The following IGSF21 variants were observed in gnomAD, a reference collection of about 807,000 sequenced individuals.
IGSF21 encodes the protein immunoglobin superfamily member 21.
In IGSF21, 28 loss-of-function variants were observed where a neutral mutation model predicts 46.8. That is an observed-to-expected ratio of 0.60 (90% CI 0.44 to 0.82). The LOEUF (loss-of-function observed/expected upper bound fraction) is 0.82. IGSF21 is among the 40% of genes least tolerant of loss of function. The pLI is 0.00. For missense variants in IGSF21, 624 were observed against 665.5 expected, an observed-to-expected ratio of 0.94 and a Z score of 0.69; for synonymous variants, 284 against 273.6, an observed-to-expected ratio of 1.04 and a Z score of -0.38.
intron 1 of IGSF21, among the ~76,000 whole-genome samples, chr1:18,124,136 A>G (rs1477299995): frequency 6.6e-6 from 1 of 152,230 alleles, no homozygotes; most frequent in Non-Finnish European, 1.5e-5. Context: ...GTTATAAAGC[A>G]GCCCCTCTCG....
intron 2 of IGSF21, among the ~76,000 whole-genome samples, chr1:18,279,322 T>C (rs192002): frequency 6.6e-6 from 1 of 152,218 alleles, no homozygotes; most frequent in African/African-American, 2.4e-5. Flanking sequence ...ATGTGGATTC[T>C]AGGAGAAGAG....
At chr1:18,309,963 G>A (rs1055780476) in intron 3 of IGSF21, among the ~76,000 whole-genome samples, 1 of 152,176 alleles carries the variant, frequency 6.6e-6, no homozygotes, top group Non-Finnish European at 1.5e-5. Context: ...GGTGCATGGA[G>A]GCCCTGCCAG....
intron 2 of IGSF21, among the ~76,000 whole-genome samples, chr1:18,280,360 A>G (rs1413450741): frequency 6.6e-6 from 1 of 152,094 alleles, no homozygotes; most frequent in Non-Finnish European, 1.5e-5. Context: ...CACTAGTTCT[A>G]CTGTTCACAC....
chr1:18,284,574 AGTTT>A (rs1432863621), intron 2 of IGSF21, among the ~76,000 whole-genome samples: 2 of 152,176 alleles, frequency 1.3e-5, no homozygotes, highest in Admixed American at 6.5e-5. Context: ...CTGGGGTGTG[AGTTT>A]GTTTAATATC....
intron 1 of IGSF21, among the ~76,000 whole-genome samples, chr1:18,140,052 T>C (rs2086401561): frequency 1.3e-5 from 2 of 152,040 alleles, no homozygotes; most frequent in Admixed American, 1.3e-4. Context: ...GCTCAAACAA[T>C]CCTTGCCTCA....
At chr1:18,262,926 A>C (rs149460365) in intron 2 of IGSF21, among the ~76,000 whole-genome samples, 2 of 152,142 alleles carry the variant, frequency 1.3e-5, no homozygotes, top group Non-Finnish European at 2.9e-5. Context: ...GTGGGAATGG[A>C]ATGCATTGGC....
intron 3 of IGSF21, among the ~76,000 whole-genome samples, chr1:18,327,350 C>T (rs924636256): frequency 2.0e-5 from 3 of 152,128 alleles, no homozygotes; most frequent in African/African-American, 7.2e-5. Flanking sequence ...GACATTTGAG[C>T]AGTGTCTTAT....
At chr1:18,180,260 A>G (rs893503375) in intron 1 of IGSF21, among the ~76,000 whole-genome samples, 1 of 152,218 alleles carries the variant, frequency 6.6e-6, no homozygotes, top group Non-Finnish European at 1.5e-5. Context: ...TTCTTTGTGC[A>G]CTTAGCATCT....
chr1:18,372,896 G>T (rs748693643), intron 6 of IGSF21, among the ~76,000 whole-genome samples: 20 of 151,812 alleles, frequency 1.3e-4, no homozygotes, highest in Admixed American at 2.6e-4. Context: ...ATGGATGAGT[G>T]GGTGAATGGG....
intron 1 of IGSF21, among the ~76,000 whole-genome samples, chr1:18,206,914 A>G (rs552709778): frequency 1.3e-5 from 2 of 152,368 alleles, no homozygotes; most frequent in African/African-American, 4.8e-5. Flanking sequence ...AGCAGTTTAC[A>G]ACACCACCTG....
chr1:18,236,397 C>A (rs549922986), intron 2 of IGSF21, among the ~76,000 whole-genome samples: 1 of 152,184 alleles, frequency 6.6e-6, no homozygotes, highest in Non-Finnish European at 1.5e-5. Context: ...ATTAAACTGT[C>A]CTTTTATAAA....
chr1:18,204,478 G>GGCGT, intron 1 of IGSF21, among the ~76,000 whole-genome samples: 1 of 152,256 alleles, frequency 6.6e-6, no homozygotes, highest in Admixed American at 6.5e-5. Flanking sequence ...CTTTGAGTGT[G>GGCGT]GCGTGCGCTG....
intron 1 of IGSF21, among the ~76,000 whole-genome samples, chr1:18,153,746 C>T (rs778821881): frequency 3.3e-5 from 5 of 151,984 alleles, no homozygotes; most frequent in South Asian, 2.1e-4. Context: ...GCTGGGGACA[C>T]GAAGGGACCA....
At chr1:18,185,357 C>T (rs1311693480) in intron 1 of IGSF21, among the ~76,000 whole-genome samples, 3 of 152,216 alleles carry the variant, frequency 2.0e-5, no homozygotes, top group Non-Finnish European at 4.4e-5. Flanking sequence ...AGGAAATATC[C>T]TTCTGACTGA....
At position 18,234,716 on chromosome 1, in the gene IGSF21, G is replaced by A. The variant is rs188018842; in HGVS notation, c.183+6706G>A. 1.1e-4 allele frequency among the ~76,000 whole-genome samples: 16 copies of A among 152,204 alleles called. No individual in the cohort carries two copies. The East Asian group carries it at 3.1e-3, about 29-fold the overall frequency. On this transcript the variant is annotated intron_variant, in intron 2 of 9. Coordinates refer to ENST00000251296, the MANE Select transcript of IGSF21 (RefSeq NM_032880.5). Reference sequence around the variant, plus strand: ...GTGAGAACTCACTATCATGAGAACAGCATGGGGAAAACCATCTCCATGATC... The same window carrying A: ...GTGAGAACTCACTATCATGAGAACAACATGGGGAAAACCATCTCCATGATC...
At chr1:18,255,480 G>A (rs960924922) in intron 2 of IGSF21, among the ~76,000 whole-genome samples, 11 of 152,084 alleles carry the variant, frequency 7.2e-5, no homozygotes, top group Non-Finnish European at 1.6e-4. Flanking sequence ...CCCTTCTCCT[G>A]ATTCTGCCAT....
At chr1:18,183,243 A>G (rs1422240033) in intron 1 of IGSF21, among the ~76,000 whole-genome samples, 1 of 152,206 alleles carries the variant, frequency 6.6e-6, no homozygotes, top group Non-Finnish European at 1.5e-5. Context: ...AGAATATAAT[A>G]AAATAAAACA....
At chr1:18,168,585 G>A (rs974145232) in intron 1 of IGSF21, among the ~76,000 whole-genome samples, 8 of 152,110 alleles carry the variant, frequency 5.3e-5, no homozygotes, top group African/African-American at 1.7e-4. Flanking sequence ...TCACTTTATC[G>A]CCTGTCCCTC....
In IGSF21 at chr1:18,120,365, T is replaced by C. The variant is rs1456129855; in HGVS notation, c.70+12167T>C. On this transcript the variant is annotated intron_variant, in intron 1 of 9. Transcript: ENST00000251296. ...AGCTGGAGGGAGAAATACCCCAACT[T>C]TACCCTCTTCCTGCCTTTGGGTCCC... is the stretch of plus-strand genomic sequence containing the variant. Among the ~76,000 whole-genome samples, 5 of 152,250 alleles carry C rather than the reference T, an allele frequency of 3.3e-5. No homozygotes were observed. The East Asian group carries it at 9.7e-4, about 29-fold the overall frequency.
Sources: gnomAD v4.1 joint callset for allele counts (sites outside exome capture counted in the v4.1 genomes callset) on GRCh38, gnomAD v4.1.1 for gene constraint, MANE v1.5 for transcripts, NCBI Gene and HGNC (gene_info 2026-07-23, HGNC 2026-07-21) for gene names.